The following CDS1 variants were observed in gnomAD, a reference collection of about 807,000 sequenced individuals.
CDS1 encodes the protein phosphatidate cytidylyltransferase 1.
Under a neutral mutation model 62.1 loss-of-function variants are expected in CDS1, and 41 were observed. The observed-to-expected ratio is 0.66, with a 90% CI of 0.51 to 0.86. The LOEUF (loss-of-function observed/expected upper bound fraction) is 0.86, where lower values mean the gene tolerates loss of function less well. CDS1 is among the 40% of genes least tolerant of loss of function. CDS1 has a pLI of 0.00. For missense variants in CDS1, 470 were observed against 550.1 expected, an observed-to-expected ratio of 0.85 and a Z score of 1.46; for synonymous variants, 185 against 192.6, an observed-to-expected ratio of 0.96 and a Z score of 0.32.
chr4:84,613,512 A>G (rs1435897736), intron 3 of CDS1, among the ~76,000 whole-genome samples: 1 of 152,168 alleles, frequency 6.6e-6, no homozygotes, highest in Non-Finnish European at 1.5e-5. Flanking sequence ...CAGGTGGCTG[A>G]GGCAAGAGAA....
chr4:84,646,362 T>A (rs892248061), intron 12 of CDS1, among the ~76,000 whole-genome samples: 1 of 152,216 alleles, frequency 6.6e-6, no homozygotes, highest in African/African-American at 2.4e-5. Flanking sequence ...CTGCCTTTTT[T>A]AAATGTTCAA....
In CDS1 at chr4:84,583,474, G is replaced by T; in HGVS notation, c.73G>T (p.Glu25Ter). 1 of 1,568,814 alleles carries T rather than the reference G, an allele frequency of 6.4e-7. No individual in the cohort carries two copies. The highest frequency in any genetic ancestry group is 1.2e-5 in the South Asian group (1 of 86,292). The change falls in exon 1 of 13, where the codon GAG becomes TAG. Residue 25 changes from glutamate to a stop codon, truncating the protein, a stop_gained. Transcript: ENST00000295887. LOFTEE classifies it high-confidence loss of function. ...EAVSPPHREGEAAGGDHETES... is the reference protein window; with the variant it reads ...EAVSPPHREG The stretch of plus-strand genomic sequence containing the variant: ...GGTGTCGCCGCCACACCGCGAGGGA[G>T]AGGCGGCCGGCGGCGACCACGAAAC...
intron 3 of CDS1, among the ~76,000 whole-genome samples, chr4:84,613,659 A>G (rs888415858): frequency 2.6e-5 from 4 of 152,198 alleles, no homozygotes; most frequent in African/African-American, 4.8e-5. Flanking sequence ...CTATTTTAAT[A>G]TGGAATGCAT....
At chr4:84,599,490 G>A (rs2868919) in intron 1 of CDS1, among the ~76,000 whole-genome samples, 89,869 of 144,286 alleles carry the variant, frequency 0.62, 27,749 homozygotes, top group South Asian at 0.72. Context: ...TAATGAGCTA[G>A]TCTATCACCA....
In CDS1 at chr4:84,646,777, G is replaced by A. The variant is rs147890198; in HGVS notation, c.1256+1452G>A. On this transcript the variant is annotated intron_variant, in intron 12 of 12. Transcript: ENST00000295887. ...GTAGTTTTGTCTGTGTCAGTTAGGT[G>A]AGGTTTAATTAAATCTTCTGTACTG... 4.9e-3 allele frequency among the ~76,000 whole-genome samples: 752 copies of A among 152,268 alleles called. 4 individuals carry two copies. The highest frequency in any genetic ancestry group is 0.017 in the African/African-American group (698 of 41,576).
At chr4:84,633,302 T>A (rs1055227955) in intron 6 of CDS1, among the ~76,000 whole-genome samples, 2 of 152,204 alleles carry the variant, frequency 1.3e-5, no homozygotes, top group Non-Finnish European at 2.9e-5. Flanking sequence ...AATTTGAAAT[T>A]GAATACTGTC....
chr4:84,594,663 A>G (rs924003818), intron 1 of CDS1, among the ~76,000 whole-genome samples: 1 of 152,124 alleles, frequency 6.6e-6, no homozygotes, highest in African/African-American at 2.4e-5. Flanking sequence ...AATAATATCA[A>G]AATGTTAAAA....
intron 5 of CDS1, among the ~76,000 whole-genome samples, chr4:84,626,285 T>TA (rs1443862121): frequency 4.6e-5 from 7 of 152,246 alleles, no homozygotes; most frequent in African/African-American, 1.7e-4. Flanking sequence ...TATCACAAGT[T>TA]ATTGGCTTAA....
At position 84,638,624 on chromosome 4, in the gene CDS1, A is replaced by G. The variant is rs117006993; in HGVS notation, c.811-300A>G. Reference sequence around the variant, plus strand: ...AGAGTCATGGGACAGTTATTTTAGTATAGAGTTTATACTCTTTTGAGAGAC... The same window carrying G: ...AGAGTCATGGGACAGTTATTTTAGTGTAGAGTTTATACTCTTTTGAGAGAC... On this transcript the variant is annotated intron_variant, in intron 8 of 12. Transcript: ENST00000295887. 2.8e-4 allele frequency among the ~76,000 whole-genome samples: 42 copies of G among 152,276 alleles called. 1 individual carries two copies. The East Asian group carries it at 6.9e-3, about 25-fold the overall frequency.
intron 2 of CDS1, among the ~76,000 whole-genome samples, chr4:84,607,405 C>T (rs1335148482): frequency 6.6e-6 from 1 of 151,472 alleles, no homozygotes; most frequent in Non-Finnish European, 1.5e-5. Flanking sequence ...CACCTCAGCC[C>T]CCAACATGCC....
chr4:84,632,294 T>C (rs1483032604), intron 6 of CDS1, among the ~76,000 whole-genome samples: 1 of 152,206 alleles, frequency 6.6e-6, no homozygotes, highest in African/African-American at 2.4e-5. Context: ...ATCTTGGTGG[T>C]TATGGTTAGT....
In CDS1 at chr4:84,650,682, A is replaced by G. The variant is rs969834562; in HGVS notation, c.*1996A>G. 1 of 152,240 alleles carries G rather than the reference A, an allele frequency of 6.6e-6. No homozygotes were observed. The highest frequency in any genetic ancestry group is 2.4e-5 in the African/African-American group (1 of 41,472). 9.4% of individuals were successfully genotyped at this position (152,240 alleles called of 1,614,324 possible). A position where few individuals can be genotyped will look rare whatever the true frequency, so the allele number is the denominator to read the frequency against. On this transcript the variant is annotated 3_prime_UTR_variant, in exon 13 of 13. Transcript: ENST00000295887. ...TATAAAATCAATATTATTATAAACA[A>G]AATAGGAAGCTAGAAATATTTGGGA...
At chr4:84,587,062 G>A (rs1578011764) in intron 1 of CDS1, among the ~76,000 whole-genome samples, 1 of 152,108 alleles carries the variant, frequency 6.6e-6, no homozygotes, top group Non-Finnish European at 1.5e-5. Flanking sequence ...AAAGAAAGAC[G>A]GAATGAAGAG....
chr4:84,607,543 A>C (rs1301744986), intron 2 of CDS1, among the ~76,000 whole-genome samples: 1 of 151,580 alleles, frequency 6.6e-6, no homozygotes, highest in Non-Finnish European at 1.5e-5. Context: ...GGCTGGTCTC[A>C]AACTCCTGGG....
intron 3 of CDS1, among the ~76,000 whole-genome samples, chr4:84,613,398 C>T (rs183024499): frequency 6.6e-6 from 1 of 152,102 alleles, no homozygotes; most frequent in Non-Finnish European, 1.5e-5. Context: ...TGCTTGAGGT[C>T]AGAAGTTCAA....
chr4:84,639,653 T>TA (rs1724319522), intron 9 of CDS1, among the ~76,000 whole-genome samples: 1 of 152,210 alleles, frequency 6.6e-6, no homozygotes, highest in Admixed American at 6.5e-5. Context: ...CAGGAAGCTT[T>TA]ACTTTTCCTA....
chr4:84,646,717 T>C (rs1323271803), intron 12 of CDS1, among the ~76,000 whole-genome samples: 1 of 152,216 alleles, frequency 6.6e-6, no homozygotes, highest in Admixed American at 6.5e-5. Context: ...TAGTACATGC[T>C]CCATGGGCAA....
At chr4:84,632,016 C>T (rs1724037098) in intron 6 of CDS1, 139 bp downstream of exon 6, 1 of 545,282 alleles carries the variant, frequency 1.8e-6, no homozygotes, top group Non-Finnish European at 3.3e-6. Flanking sequence ...TTTCAGATGA[C>T]CATTAGATAT....
At chr4:84,625,895 C>T (rs1346168714) in intron 5 of CDS1, among the ~76,000 whole-genome samples, 1 of 151,560 alleles carries the variant, frequency 6.6e-6, no homozygotes, top group Middle Eastern at 3.2e-3. Flanking sequence ...AGGCCGGGCG[C>T]GGTGGCTCAT....
Sources: allele counts gnomAD v4.1 joint callset (sites outside exome capture counted in the v4.1 genomes callset), GRCh38; gene constraint gnomAD v4.1.1; transcripts MANE v1.5; gene names NCBI Gene and HGNC (gene_info 2026-07-23, HGNC 2026-07-21).